The following COL13A1 variants were observed in gnomAD, a reference collection of about 807,000 sequenced individuals.
The protein encoded by COL13A1 is collagen type XIII alpha 1 chain.
COL13A1 carries 89 observed loss-of-function variants against 130.9 expected under a neutral mutation model. The observed-to-expected ratio is 0.68, with a 90% confidence interval of 0.57 to 0.81. The LOEUF is 0.81. Among genes scored for constraint, COL13A1 ranks in the 30% least tolerant of loss-of-function variants. The probability of loss-of-function intolerance (pLI) is 0.00; values close to 1 mark genes in which losing one functional copy is unlikely to be tolerated. For synonymous variants in COL13A1, 402 were observed against 341.6 expected, an observed-to-expected ratio of 1.18 and a Z score of -1.95; for missense variants, 879 against 934.6, an observed-to-expected ratio of 0.94 and a Z score of 0.78.
At chr10:69,857,625 C>T (rs551620708) in intron 2 of COL13A1, among the ~76,000 whole-genome samples, 42 of 152,176 alleles carry the variant, frequency 2.8e-4, no homozygotes, top group African/African-American at 9.6e-4. Context: ...CCCATCCCTC[C>T]CACCCCGAAA....
Position 69,814,464 on chromosome 10 carries a change from G to A in COL13A1, c.295-7905G>A, listed in dbSNP as rs368608293. Among the ~76,000 whole-genome samples, 452 of 152,330 alleles carry A rather than the reference G, an allele frequency of 3.0e-3. 1 individual carries two copies. Among genetic ancestry groups the A allele is most frequent in the South Asian group, 0.015 (74 of 4,830 alleles). On this transcript the variant is annotated intron_variant, in intron 1 of 40. Coordinates refer to ENST00000645393, the MANE Select transcript of COL13A1 (RefSeq NM_001368882.1). ...GCAGGCCTGGCACTGGCTCAAGAGAGAAGTGGCCTTCACCTGGCCACCAAA... is the reference window on the plus strand; with the variant it reads ...GCAGGCCTGGCACTGGCTCAAGAGAAAAGTGGCCTTCACCTGGCCACCAAA...
intron 1 of COL13A1, among the ~76,000 whole-genome samples, chr10:69,803,874 T>C (rs971477002): frequency 6.6e-6 from 1 of 152,160 alleles, no homozygotes; most frequent in African/African-American, 2.4e-5. Context: ...TGGGGTGCTG[T>C]GAGCATTTTG....
At chr10:69,816,508 C>T (rs1844556813) in intron 1 of COL13A1, among the ~76,000 whole-genome samples, 1 of 151,960 alleles carries the variant, frequency 6.6e-6, no homozygotes, top group South Asian at 2.1e-4. Flanking sequence ...GCATAGATGG[C>T]TTTGAAGCCA....
intron 17 of COL13A1, among the ~76,000 whole-genome samples, chr10:69,912,606 C>A (rs1298545066): frequency 1.3e-5 from 2 of 151,222 alleles, no homozygotes; most frequent in African/African-American, 4.9e-5. Context: ...CTTCCTCCTC[C>A]CTTACAGAGA....
At chr10:69,937,940 G>T (rs1202643721) in intron 34 of COL13A1, among the ~76,000 whole-genome samples, 1 of 152,216 alleles carries the variant, frequency 6.6e-6, no homozygotes, top group South Asian at 2.1e-4. Context: ...AAGAAGACAG[G>T]CTCCCCCACC....
chr10:69,874,087 T>C (rs763803194), intron 4 of COL13A1, among the ~76,000 whole-genome samples: 5 of 152,244 alleles, frequency 3.3e-5, no homozygotes, highest in Admixed American at 6.5e-5. Flanking sequence ...ACAGCTACCC[T>C]GCCATTCTTT....
In COL13A1 at chr10:69,922,855, T is replaced by C. The variant is rs145174600; in HGVS notation, c.1230+61T>C. On this transcript the variant is annotated intron_variant, in intron 23 of 40. Transcript: ENST00000645393. The stretch of plus-strand genomic sequence containing the variant: ...TTACCTGGGGACTTTGTCTTCAGCC[T>C]GTTCTCGGGGACTCTACGTCCCGGA... 2,023 of 1,193,186 alleles carry C rather than the reference T, an allele frequency of 1.7e-3. 2 individuals carry two copies. Among genetic ancestry groups the C allele is most frequent in the Non-Finnish European group, 2.1e-3 (1,827 of 855,946 alleles). The allele number at this position is 1,193,186 out of a possible 1,614,324, so 73.9% of individuals were successfully genotyped here.
intron 39 of COL13A1, among the ~76,000 whole-genome samples, chr10:69,953,604 T>C (rs552178576): frequency 9.8e-5 from 15 of 152,376 alleles, no homozygotes; most frequent in African/African-American, 3.1e-4. Flanking sequence ...GATGAGGCAC[T>C]TCTGCTGGGT....
chr10:69,918,351 C>G (rs764827576), intron 19 of COL13A1, 34 bp downstream of exon 19: 2 of 1,610,236 alleles, frequency 1.2e-6, no homozygotes, highest in Non-Finnish European at 1.7e-6. Context: ...ACATCAGGGA[C>G]AGGGTGGGAG....
Position 69,947,362 on chromosome 10 carries a change from C to T in COL13A1, c.2058+20C>T. ...AACCGGGTGAGTCTGAGCCCCTGCA[C>T]TCGTGCTCTAGTTACTAATGTCTTC... On this transcript the variant is annotated intron_variant, in intron 38 of 40. Coordinates refer to ENST00000645393, the MANE Select transcript of COL13A1 (RefSeq NM_001368882.1). The T allele has an allele frequency of 1.9e-6, 3 of 1,603,078 alleles. No individual in the cohort carries two copies. Among genetic ancestry groups the T allele is most frequent in the Non-Finnish European group, 2.6e-6 (3 of 1,173,134 alleles).
intron 15 of COL13A1, among the ~76,000 whole-genome samples, chr10:69,904,494 G>A (rs1024073982): frequency 9.9e-5 from 15 of 152,154 alleles, no homozygotes; most frequent in African/African-American, 1.7e-4. Context: ...CATGCCCACA[G>A]CACCATGGGC....
intron 2 of COL13A1, among the ~76,000 whole-genome samples, chr10:69,858,586 C>T (rs1166751493): frequency 6.6e-6 from 1 of 152,204 alleles, no homozygotes; most frequent in East Asian, 1.9e-4. Flanking sequence ...TGAAGTTCCT[C>T]CTAAGATGGG....
At chr10:69,938,793 T>C (rs912693877) in intron 34 of COL13A1, among the ~76,000 whole-genome samples, 1 of 152,190 alleles carries the variant, frequency 6.6e-6, no homozygotes, top group African/African-American at 2.4e-5. Context: ...AAGAAGCCAA[T>C]CTGCTTGACA....
chr10:69,853,413 G>A (rs559540955), intron 2 of COL13A1, among the ~76,000 whole-genome samples: 6 of 152,250 alleles, frequency 3.9e-5, no homozygotes, highest in South Asian at 2.1e-4. Context: ...TCCAGCCTCC[G>A]ATTCCTCATT....
intron 33 of COL13A1, 41 bp downstream of exon 33, chr10:69,936,823 T>C: frequency 1.2e-6 from 2 of 1,613,102 alleles, no homozygotes; most frequent in South Asian, 1.1e-5. Flanking sequence ...TCAGTGCTAG[T>C]AGAAAAGAGG....
Position 69,923,833 on chromosome 10 carries a change from C to T in COL13A1, c.1262C>T (p.Pro421Leu). The T allele has an allele frequency of 1.2e-6, 2 of 1,612,064 alleles. No individual in the cohort carries two copies. Among genetic ancestry groups the T allele is most frequent in the East Asian group, 2.2e-5 (1 of 44,810 alleles). ...GCAGGTGTCGATGGCCAGGTTGGCCCCCCAGGGCAGCCAGGAGACAAGGTA... is the reference window on the plus strand; with the variant it reads ...GCAGGTGTCGATGGCCAGGTTGGCCTCCCAGGGCAGCCAGGAGACAAGGTA... Reference protein sequence around the residue: ...GEAGVDGQVGPPGQPGDKGER... With the variant: ...GEAGVDGQVGLPGQPGDKGER... Residue 421 changes from proline (P) to leucine (L), a missense_variant, in exon 24 of 41, where the codon CCC becomes CTC. Pro to Leu is a moderately conservative substitution (Grantham distance 98). This residue lies in a region of COL13A1 where 715 missense variants were observed against 721.0 expected (regional missense o/e 0.99). Transcript: ENST00000645393.
At chr10:69,888,525 TC>T (rs2060829143) in intron 9 of COL13A1, among the ~76,000 whole-genome samples, 195 bp downstream of exon 9, 1 of 152,080 alleles carries the variant, frequency 6.6e-6, no homozygotes, top group Non-Finnish European at 1.5e-5. Context: ...AGGGCACAGG[TC>T]CCCAGCTGCT....
chr10:69,858,115 CAAAAAA>C (rs573668102), intron 2 of COL13A1, among the ~76,000 whole-genome samples: 3 of 80,364 alleles, frequency 3.7e-5, no homozygotes, highest in Non-Finnish European at 6.7e-5. Context: ...GACTCCGTCT[CAAAAAA>C]AAAAAAAAAA....
intron 2 of COL13A1, among the ~76,000 whole-genome samples, chr10:69,835,603 TCTC>T (rs1314533882): frequency 6.6e-6 from 1 of 152,124 alleles, no homozygotes; most frequent in African/African-American, 2.4e-5. Context: ...ACTGCCCTAT[TCTC>T]CTGATGAGGA....
Sources: allele counts gnomAD v4.1 joint callset (sites outside exome capture counted in the v4.1 genomes callset), GRCh38; gene constraint gnomAD v4.1.1; regional missense constraint gnomAD v4.1.1; transcripts MANE v1.5; gene names NCBI Gene and HGNC (gene_info 2026-07-23, HGNC 2026-07-21).